PPP2R2B: variants seen among roughly 807,000 people sequenced by gnomAD.
PPP2R2B encodes serine/threonine-protein phosphatase 2A 55 kDa regulatory subunit B beta isoform.
PPP2R2B carries 5 observed loss-of-function variants against 46.0 expected under a neutral mutation model. That is an observed-to-expected ratio of 0.11 (90% CI 0.06 to 0.23). PPP2R2B has a LOEUF of 0.23. PPP2R2B is among the 10% of genes least tolerant of loss of function. PPP2R2B has a pLI of 1.00. For synonymous variants in PPP2R2B, 215 were observed against 206.7 expected, an observed-to-expected ratio of 1.04 and a Z score of -0.34; for missense variants, 367 against 575.0, an observed-to-expected ratio of 0.64 and a Z score of 3.70.
At chr5:146,790,727 C>T (rs1756143696) in intron 2 of PPP2R2B, among the ~76,000 whole-genome samples, 1 of 152,220 alleles carries the variant, frequency 6.6e-6, no homozygotes. Flanking sequence ...CCTTCTCTTG[C>T]CTCAGACACC....
intron 1 of PPP2R2B, among the ~76,000 whole-genome samples, chr5:147,055,170 A>G (rs111257622): frequency 4.6e-5 from 7 of 152,184 alleles, no homozygotes; most frequent in Non-Finnish European, 7.3e-5. Context: ...TCTGTAACCC[A>G]AGTACAGACT....
At chr5:146,735,357 C>T (rs955336968) in intron 2 of PPP2R2B, among the ~76,000 whole-genome samples, 2 of 151,954 alleles carry the variant, frequency 1.3e-5, no homozygotes, top group Non-Finnish European at 2.9e-5. Flanking sequence ...TCTCTTCTCC[C>T]ACCCCTTGCA....
At chr5:146,645,632 G>A (rs895551817) in intron 6 of PPP2R2B, among the ~76,000 whole-genome samples, 1 of 152,174 alleles carries the variant, frequency 6.6e-6, no homozygotes, top group Non-Finnish European at 1.5e-5. Context: ...GAGGCTACCT[G>A]GTCCCTTAAT....
At chr5:146,999,148 A>T (rs2151867729) in intron 1 of PPP2R2B, among the ~76,000 whole-genome samples, 1 of 151,570 alleles carries the variant, frequency 6.6e-6, no homozygotes, top group African/African-American at 2.4e-5. Flanking sequence ...AACACCTTTT[A>T]TGTCCAAGCA....
intron 2 of PPP2R2B, among the ~76,000 whole-genome samples, chr5:147,066,587 G>A (rs1462693428): frequency 6.6e-6 from 1 of 152,064 alleles, no homozygotes; most frequent in African/African-American, 2.4e-5. Context: ...CCTAGCACCT[G>A]GAATGTTGGA....
At chr5:146,651,922 T>C (rs1775985406) in intron 5 of PPP2R2B, among the ~76,000 whole-genome samples, 1 of 152,160 alleles carries the variant, frequency 6.6e-6, no homozygotes, top group African/African-American at 2.4e-5. Context: ...GGACTTTAAC[T>C]CACCTATGCG....
intron 1 of PPP2R2B, among the ~76,000 whole-genome samples, chr5:146,925,966 A>T (rs1763768975): frequency 6.6e-6 from 1 of 152,068 alleles, no homozygotes; most frequent in African/African-American, 2.4e-5. Context: ...CTTCAGCTAC[A>T]GAATTTTCAC....
At chr5:146,921,263 C>CT (rs1763596961) in intron 1 of PPP2R2B, among the ~76,000 whole-genome samples, 1 of 152,200 alleles carries the variant, frequency 6.6e-6, no homozygotes, top group African/African-American at 2.4e-5. Context: ...AATTCATCTG[C>CT]TAAGTAGTCA....
chr5:146,702,044 G>A (rs1300727675), intron 2 of PPP2R2B, among the ~76,000 whole-genome samples: 1 of 137,348 alleles, frequency 7.3e-6, no homozygotes, highest in Non-Finnish European at 1.5e-5. Flanking sequence ...GCTACCAAGA[G>A]TGCAAATGAG....
chr5:146,675,419 T>C (rs1051733776), intron 5 of PPP2R2B, among the ~76,000 whole-genome samples: 1 of 152,140 alleles, frequency 6.6e-6, no homozygotes, highest in Non-Finnish European at 1.5e-5. Context: ...TACCCTGGTA[T>C]CCTGGACTGT....
At chr5:147,001,300 G>A (rs553078993) in intron 1 of PPP2R2B, among the ~76,000 whole-genome samples, 2 of 152,252 alleles carry the variant, frequency 1.3e-5, no homozygotes, top group East Asian at 1.9e-4. Context: ...CTTTGGGTCC[G>A]CACTACCTTT....
At chr5:146,745,602 A>G (rs957946520) in intron 2 of PPP2R2B, among the ~76,000 whole-genome samples, 1 of 152,206 alleles carries the variant, frequency 6.6e-6, no homozygotes, top group African/African-American at 2.4e-5. Flanking sequence ...CAGTTTCCCC[A>G]CATAAACTGC....
At chr5:146,931,412 C>G (rs768623813) in intron 1 of PPP2R2B, among the ~76,000 whole-genome samples, 6 of 152,052 alleles carry the variant, frequency 3.9e-5, no homozygotes, top group Non-Finnish European at 7.4e-5. Flanking sequence ...AAATAGCACC[C>G]TCTCTCAATA....
intron 1 of PPP2R2B, among the ~76,000 whole-genome samples, chr5:147,021,291 T>A (rs1370521498): frequency 6.6e-6 from 1 of 152,150 alleles, no homozygotes; most frequent in Non-Finnish European, 1.5e-5. Flanking sequence ...AAGGAAAACA[T>A]GACAGTCTTA....
intron 2 of PPP2R2B, among the ~76,000 whole-genome samples, chr5:146,865,281 CTCTT>C (rs1484197374): frequency 7.4e-6 from 1 of 135,744 alleles, no homozygotes; most frequent in Non-Finnish European, 1.6e-5. Flanking sequence ...ATTCATCTCT[CTCTT>C]TGTCTCTGAC....
At chr5:146,949,702 T>A (rs1057031435) in intron 1 of PPP2R2B, among the ~76,000 whole-genome samples, 1 of 152,082 alleles carries the variant, frequency 6.6e-6, no homozygotes, top group African/African-American at 2.4e-5. Context: ...ATCAAAGAGC[T>A]ATCTGGACTC....
intron 1 of PPP2R2B, among the ~76,000 whole-genome samples, chr5:146,960,073 T>A (rs948866718): frequency 6.6e-6 from 1 of 152,284 alleles, no homozygotes; most frequent in Middle Eastern, 3.4e-3. Context: ...GGGATGGCTG[T>A]GTTAGATAAT....
intron 1 of PPP2R2B, among the ~76,000 whole-genome samples, chr5:146,894,736 A>G (rs1762593683): frequency 6.6e-6 from 1 of 152,130 alleles, no homozygotes; most frequent in East Asian, 1.9e-4. Flanking sequence ...CACCACACCT[A>G]GCCTGCCTCT....
chr5:146,790,100 GTTAA>G (rs1380270312), intron 2 of PPP2R2B, among the ~76,000 whole-genome samples: 7 of 152,204 alleles, frequency 4.6e-5, no homozygotes, highest in African/African-American at 1.7e-4. Flanking sequence ...ATGTAGTCTA[GTTAA>G]TTGCCCTTCG....
Sources: gnomAD v4.1 joint callset for allele counts (sites outside exome capture counted in the v4.1 genomes callset) on GRCh38, gnomAD v4.1.1 for gene constraint, MANE v1.5 for transcripts, NCBI Gene and HGNC (gene_info 2026-07-23, HGNC 2026-07-21) for gene names.